The following CXXC4 variants were observed in gnomAD, a reference collection of about 807,000 sequenced individuals.
The protein encoded by CXXC4 is CXXC finger protein 4.
Under a neutral mutation model 20.5 loss-of-function variants are expected in CXXC4, and 5 were observed. The observed-to-expected ratio is 0.24, with a 90% CI of 0.13 to 0.51. The LOEUF (loss-of-function observed/expected upper bound fraction) is 0.51. CXXC4 is among the 20% of genes least tolerant of loss of function. The probability of loss-of-function intolerance (pLI) is 0.97; values close to 1 mark genes in which losing one functional copy is unlikely to be tolerated. For synonymous variants in CXXC4, 250 were observed against 216.4 expected, an observed-to-expected ratio of 1.16 and a Z score of -1.36; for missense variants, 419 against 496.4, an observed-to-expected ratio of 0.84 and a Z score of 1.48.
chr4:104,488,419 G>A (rs1736749907), intron 2 of CXXC4, among the ~76,000 whole-genome samples: 1 of 152,288 alleles, frequency 6.6e-6, no homozygotes. Flanking sequence ...AGTCATGATG[G>A]CATTGTCTTT....
At chr4:104,477,536 T>C (rs1578316009) in intron 2 of CXXC4, among the ~76,000 whole-genome samples, 1 of 152,020 alleles carries the variant, frequency 6.6e-6, no homozygotes, top group East Asian at 1.9e-4. Flanking sequence ...CCACAAGTTT[T>C]TAGCAGAAAG....
At chr4:104,480,575 A>T (rs1213297354) in intron 2 of CXXC4, among the ~76,000 whole-genome samples, 3 of 151,784 alleles carry the variant, frequency 2.0e-5, no homozygotes. Context: ...AAAACCATAA[A>T]CATACTTAGT....
At chr4:104,489,233 T>C (rs1188015722) in intron 2 of CXXC4, among the ~76,000 whole-genome samples, 1 of 152,160 alleles carries the variant, frequency 6.6e-6, no homozygotes, top group Non-Finnish European at 1.5e-5. Context: ...TAAAGAAGAA[T>C]AAATGCAATA....
intron 2 of CXXC4, among the ~76,000 whole-genome samples, chr4:104,472,877 G>T (rs909447501): frequency 4.6e-5 from 7 of 151,768 alleles, no homozygotes; most frequent in Non-Finnish European, 7.4e-5. Context: ...TTGTATTTTT[G>T]TATTTCTAAA....
chr4:104,482,031 A>C (rs951029176), intron 2 of CXXC4, among the ~76,000 whole-genome samples: 2 of 152,244 alleles, frequency 1.3e-5, no homozygotes, highest in African/African-American at 2.4e-5. Context: ...AATACATTTT[A>C]CACAGCAACT....
intron 2 of CXXC4, among the ~76,000 whole-genome samples, chr4:104,486,941 C>G (rs1248939891): frequency 6.6e-6 from 1 of 152,064 alleles, no homozygotes; most frequent in African/African-American, 2.4e-5. Flanking sequence ...ACAGCGTAAA[C>G]AATATGTCCC....
chr4:104,484,415 G>T (rs1736633207), intron 2 of CXXC4, among the ~76,000 whole-genome samples: 1 of 151,910 alleles, frequency 6.6e-6, no homozygotes. Context: ...TAAAATGTAG[G>T]AGCTTAGTAG....
At position 104,490,996 on chromosome 4, in the gene CXXC4, G is replaced by C. The variant is rs1195780600; in HGVS notation, c.807C>G (p.Asp269Glu). The C allele has an allele frequency of 1.9e-6, 3 of 1,613,926 alleles. No homozygotes were observed. Among genetic ancestry groups the C allele is most frequent in the Non-Finnish European group, 2.5e-6 (3 of 1,180,022 alleles). The change falls in exon 2 of 3, where the codon GAC (aspartate) becomes GAG (glutamate). Residue 269 changes from aspartate to glutamate, a missense_variant. This residue lies in a region of CXXC4 where 388 missense variants were observed against 416.0 expected (regional missense o/e 0.93). Coordinates refer to ENST00000394767, the MANE Select transcript of CXXC4 (RefSeq NM_025212.4). ...CCAGATTGGCAATTTGAAACGCACT[G>C]TCTGTGACGGCTGCTGAGGCTGCTG... ...SPAAASAAVT[D>E]SAFQIANLAD...
Position 104,491,458 on chromosome 4 carries a change from C to A in CXXC4, c.345G>T (p.Gly115=), listed in dbSNP as rs1276987993. The A allele has an allele frequency of 2.3e-6, 2 of 885,094 alleles. No homozygotes were observed. The highest frequency in any genetic ancestry group is 1.8e-5 in the African/African-American group (1 of 54,128). The allele number at this position is 885,094 out of a possible 1,614,324, so 54.8% of individuals were successfully genotyped here. ...CGCCGCCGCCGCCGCCGCCACCCCC[C>A]CCGCCGCCGCCCCCGCCCCCGCCGC... ...WGSGGGGGGG[G]GGGGGGGGGG... Residue 115 remains glycine, a synonymous_variant, in exon 2 of 3, where the codon GGG becomes GGT. Coordinates refer to ENST00000394767, the MANE Select transcript of CXXC4 (RefSeq NM_025212.4).
chr4:104,482,599 C>T (rs1168308635), intron 2 of CXXC4, among the ~76,000 whole-genome samples: 4 of 151,992 alleles, frequency 2.6e-5, no homozygotes, highest in Non-Finnish European at 5.9e-5. Context: ...GAAGTTATTC[C>T]CAAGCATAGT....
In CXXC4 at chr4:104,491,360, G is replaced by A; in HGVS notation, c.443C>T (p.Ser148Phe). Reference protein sequence around the residue: ...SSAAASSSASSSSAILPAGGG... With the variant: ...SSAAASSSASFSSAILPAGGG... ...GCCGGCGGGGAGGATCGCCGAGGAG[G>A]AGGAGGCGGAGGAGGAGGCGGCGGC... The change falls in exon 2 of 3, where the codon TCC (serine) becomes TTC (phenylalanine). Residue 148 changes from serine (S) to phenylalanine (F), a missense_variant. This residue lies in a region of CXXC4 where 388 missense variants were observed against 416.0 expected (regional missense o/e 0.93). Coordinates refer to ENST00000394767, the MANE Select transcript of CXXC4 (RefSeq NM_025212.4). The A allele has an allele frequency of 2.8e-6, 4 of 1,441,416 alleles. No homozygotes were observed. Among genetic ancestry groups the A allele is most frequent in the Non-Finnish European group, 2.7e-6 (3 of 1,100,556 alleles). The allele number at this position is 1,441,416 out of a possible 1,614,324, so 89.3% of individuals were successfully genotyped here.
rs1228592873 is a variant in CXXC4, at chr4:104,470,791, C to T, written c.*1531G>A. On this transcript the variant is annotated 3_prime_UTR_variant, in exon 3 of 3. Coordinates refer to ENST00000394767, the MANE Select transcript of CXXC4 (RefSeq NM_025212.4). ...ATTTTTGCTAAACCCTGTTCTACTC[C>T]TGAAACTGAAAATAGTCTTTATAAT... 1 of 151,976 alleles carries T rather than the reference C, an allele frequency of 6.6e-6. No individual in the cohort carries two copies. Among genetic ancestry groups the T allele is most frequent in the Non-Finnish European group, 1.5e-5 (1 of 67,980 alleles). The allele number at this position is 151,976 out of a possible 1,614,324, so 9.4% of individuals were successfully genotyped here. A position where few individuals can be genotyped will look rare whatever the true frequency, so the allele number is the denominator to read the frequency against.
chr4:104,487,808 AG>A lies in CXXC4; in HGVS notation c.1059+2935del, dbSNP rs1177047091. ...TGCATTATCATATCAAATATGATCA[AG>A]GGGTGATTTTATAAACACATTTCTA... On this transcript the variant is annotated intron_variant, in intron 2 of 2. Coordinates refer to ENST00000394767, the MANE Select transcript of CXXC4 (RefSeq NM_025212.4). 2.0e-5 allele frequency among the ~76,000 whole-genome samples: 3 copies of A among 152,192 alleles called. No homozygotes were observed. The East Asian group carries it at 5.8e-4, about 29-fold the overall frequency.
Position 104,491,481 on chromosome 4 carries a change from C to CCCG in CXXC4, c.321_322insCGG (p.Ser107_Gly108insArg). On this transcript the variant is annotated inframe_insertion, in exon 2 of 3. Coordinates refer to ENST00000394767, the MANE Select transcript of CXXC4 (RefSeq NM_025212.4). Reference sequence around the variant, plus strand: ...CCCCCGCCGCCGCCCCCGCCCCCGCCGCTGCCCCAGAGCATGGCGGTGGCG... The same window carrying CCCG: ...CCCCCGCCGCCGCCCCCGCCCCCGCCCCGGCTGCCCCAGAGCATGGCGGTGGCG... The CCCG allele has an allele frequency of 9.7e-7, 1 of 1,033,998 alleles. No homozygotes were observed. Among genetic ancestry groups the CCCG allele is most frequent in the Non-Finnish European group, 1.2e-6 (1 of 826,738 alleles). The allele number at this position is 1,033,998 out of a possible 1,614,324, so 64.1% of individuals were successfully genotyped here. A position where few individuals can be genotyped will look rare whatever the true frequency, so the allele number is the denominator to read the frequency against.
rs751274609 is a variant in CXXC4 at position 104,469,820 on chromosome 4, G to A, written c.*2502C>T. The A allele has an allele frequency of 6.6e-6, 1 of 151,898 alleles. No homozygotes were observed. The highest frequency in any genetic ancestry group is 1.5e-5 in the Non-Finnish European group (1 of 67,928). The allele number at this position is 151,898 out of a possible 1,614,324, so 9.4% of individuals were successfully genotyped here. A position where few individuals can be genotyped will look rare whatever the true frequency, so the allele number is the denominator to read the frequency against. On this transcript the variant is annotated 3_prime_UTR_variant, in exon 3 of 3. Transcript: ENST00000394767. ...TGAAAAGCTACACTTTCTCATTTCA[G>A]TAATCAACAAATTTTCTTTCATTAA...
Position 104,491,061 on chromosome 4 carries a change from G to A in CXXC4, c.742C>T (p.Pro248Ser). The change falls in exon 2 of 3, where the codon CCT (proline) becomes TCT (serine). Residue 248 changes from proline (P) to serine (S), a missense_variant. Pro to Ser is a moderately conservative substitution (Grantham distance 74). Around this residue, in one of 3 missense-constraint regions of CXXC4, gnomAD observed 388 missense variants for 416.0 expected, o/e 0.93. Coordinates refer to ENST00000394767, the MANE Select transcript of CXXC4 (RefSeq NM_025212.4). ...GCTGTCATGACGATGACCCCTGGAG[G>A]TAATGAGATGCCCCCTAAAGCCGGG... ...AIPALGGISL[P>S]PGVIVMTALH... 6.2e-7 allele frequency: 1 copy of A among 1,614,092 alleles called. No homozygotes were observed. The highest frequency in any genetic ancestry group is 8.5e-7 in the Non-Finnish European group (1 of 1,180,008).
At position 104,491,576 on chromosome 4, in the gene CXXC4, G is replaced by A. The variant is rs1196303152; in HGVS notation, c.227C>T (p.Ala76Val). 2 of 1,520,746 alleles carry A rather than the reference G, an allele frequency of 1.3e-6. No individual in the cohort carries two copies. Among genetic ancestry groups the A allele is most frequent in the Admixed American group, 4.3e-5 (2 of 46,978 alleles). 94.2% of individuals were successfully genotyped at this position (1,520,746 alleles called of 1,614,324 possible). A position where few individuals can be genotyped will look rare whatever the true frequency, so the allele number is the denominator to read the frequency against. Residue 76 changes from alanine (A) to valine (V), a missense_variant, in exon 2 of 3, where the codon GCC (alanine) becomes GTC (valine). Ala to Val is a moderately conservative substitution (Grantham distance 64, BLOSUM62 0). Around this residue, in one of 3 missense-constraint regions of CXXC4, gnomAD observed 388 missense variants for 416.0 expected, o/e 0.93. Transcript: ENST00000394767. ...GATGCGCGCGGCGGCCGCGGCGGCG[G>A]CGGCGCTGCTGGGGAAGATGGGGGT... Reference protein sequence around the residue: ...ITTPIFPSSAAAAAAAARIGM... With the variant: ...ITTPIFPSSAVAAAAAARIGM...
intron 2 of CXXC4, among the ~76,000 whole-genome samples, chr4:104,486,798 A>T (rs1435810890): frequency 6.6e-6 from 1 of 152,132 alleles, no homozygotes; most frequent in East Asian, 1.9e-4. Context: ...AGTTTGAGTG[A>T]CACACCTATT....
rs1394245630 is a variant in CXXC4, at chr4:104,470,700, G to A, written c.*1622C>T. The A allele has an allele frequency of 6.6e-6, 1 of 151,954 alleles. No homozygotes were observed. Among genetic ancestry groups the A allele is most frequent in the Non-Finnish European group, 1.5e-5 (1 of 67,966 alleles). 9.4% of individuals were successfully genotyped at this position (151,954 alleles called of 1,614,324 possible). On this transcript the variant is annotated 3_prime_UTR_variant, in exon 3 of 3. Coordinates refer to ENST00000394767, the MANE Select transcript of CXXC4 (RefSeq NM_025212.4). ...TTTCAGCAAGCTAATGGATTTAGTGGGTTAAATCACCTGGCTAGTGGACAA... is the reference window on the plus strand; with the variant it reads ...TTTCAGCAAGCTAATGGATTTAGTGAGTTAAATCACCTGGCTAGTGGACAA...
Sources: gnomAD v4.1 joint callset for allele counts (sites outside exome capture counted in the v4.1 genomes callset) on GRCh38, gnomAD v4.1.1 for gene constraint, gnomAD v4.1.1 regional missense constraint, MANE v1.5 for transcripts, NCBI Gene and HGNC (gene_info 2026-07-23, HGNC 2026-07-21) for gene names.